Variants in GNL1 observed in about 807,000 individuals in gnomAD.
The protein encoded by GNL1 is guanine nucleotide-binding protein-like 1.
A neutral mutation model predicts 75.2 loss-of-function variants in GNL1; 21 were observed. The ratio of observed to expected loss-of-function variants is 0.28; its 90% CI spans 0.20 to 0.40. The LOEUF (loss-of-function observed/expected upper bound fraction) is 0.40, where lower values mean the gene tolerates loss of function less well. Ranked by LOEUF, GNL1 falls within the 10% of genes least tolerant of loss-of-function variation. The pLI is 1.00. For synonymous variants in GNL1, 287 were observed against 303.4 expected, an observed-to-expected ratio of 0.95 and a Z score of 0.56; for missense variants, 579 against 775.0, an observed-to-expected ratio of 0.75 and a Z score of 3.00.
In GNL1 at chr6:30,554,384, C is replaced by T. The variant is rs908332209; in HGVS notation, c.600+191G>A. On this transcript the variant is annotated intron_variant, in intron 5 of 11. Coordinates refer to ENST00000376621, the MANE Select transcript of GNL1 (RefSeq NM_005275.5). ...TGGCTGTTTTGAAGAGAAGAGTGAG[C>T]TGGCCAAGGGAGGAATGACAGGCTA... Among the ~76,000 whole-genome samples, 4 of 152,156 alleles carry T rather than the reference C, an allele frequency of 2.6e-5. No individual in the cohort carries two copies. In the East Asian group the frequency reaches 7.7e-4, roughly 29 times the overall value.
chr6:30,549,509 A>C (rs750271044), intron 8 of GNL1, among the ~76,000 whole-genome samples: 45 of 152,150 alleles, frequency 3.0e-4, no homozygotes, highest in Non-Finnish European at 5.9e-4. Context: ...TGTTATGTGA[A>C]GTTGTTGCAC....
In GNL1 at chr6:30,547,497, T is replaced by C; in HGVS notation, c.1133A>G (p.Asn378Ser). ...FPNVGKSSLI[N>S]GLVGRKVVSV... ...CACGACTTTCCGCCCCACCAGCCCA[T>C]TGATCAGCGAGGACTTTCCCACATT... is the stretch of plus-strand genomic sequence containing the variant. The change falls in exon 9 of 12, where the codon AAT (asparagine) becomes AGT (serine). Residue 378 changes from asparagine to serine, a missense_variant. Asn to Ser is a conservative substitution (Grantham distance 46). Transcript: ENST00000376621. This position sits in a 1 kb window ranked among gnomAD's most constrained non-coding sequence, Gnocchi z 5.5. 1 of 1,612,282 alleles carries C rather than the reference T, an allele frequency of 6.2e-7. No individual in the cohort carries two copies. The highest frequency in any genetic ancestry group is 8.5e-7 in the Non-Finnish European group (1 of 1,179,484).
At position 30,546,999 on chromosome 6, in the gene GNL1, T is replaced by G. The variant is rs1582493732; in HGVS notation, c.1441+113A>C. The G allele has an allele frequency of 1.7e-6, 2 of 1,148,060 alleles. No individual in the cohort carries two copies. The highest frequency in any genetic ancestry group is 3.0e-5 in the African/African-American group (2 of 65,722). The allele number at this position is 1,148,060 out of a possible 1,614,324, so 71.1% of individuals were successfully genotyped here. On this transcript the variant is annotated intron_variant, in intron 10 of 11. Transcript: ENST00000376621. This position sits in a 1 kb window ranked among gnomAD's most constrained non-coding sequence, Gnocchi z 5.1. The stretch of plus-strand genomic sequence containing the variant: ...TAGGGGTGAGTGGACAGCAGCTTCA[T>G]CAATGGCAGAATCTCTGAGGAGAGG...
At chr6:30,553,925 A>G (rs767208825) in intron 5 of GNL1, among the ~76,000 whole-genome samples, 2 of 152,244 alleles carry the variant, frequency 1.3e-5, no homozygotes, top group Non-Finnish European at 2.9e-5. Flanking sequence ...ACGTGCATAT[A>G]TGCATGCATG....
rs1799554855 is a variant in GNL1, at chr6:30,548,094, T to G, written c.1100-564A>C. On this transcript the variant is annotated intron_variant, in intron 8 of 11. Coordinates refer to ENST00000376621, the MANE Select transcript of GNL1 (RefSeq NM_005275.5). This position sits in a 1 kb window ranked among gnomAD's most constrained non-coding sequence, Gnocchi z 4.2. Reference sequence around the variant, plus strand: ...GGGAGGCTGAGGCAGGAGAACCACTTGAACCCAGGAGGCGGAGGTTGCAGT... The same window carrying G: ...GGGAGGCTGAGGCAGGAGAACCACTGGAACCCAGGAGGCGGAGGTTGCAGT... 6.6e-6 allele frequency among the ~76,000 whole-genome samples: 1 copy of G among 152,066 alleles called. No homozygotes were observed. Among genetic ancestry groups the G allele is most frequent in the Admixed American group, 6.5e-5 (1 of 15,270 alleles).
At chr6:30,553,206 G>A in intron 6 of GNL1, 27 bp from the exon 7 acceptor site, 1 of 1,554,026 alleles carries the variant, frequency 6.4e-7, no homozygotes, top group Non-Finnish European at 8.9e-7. Context: ...CAAAAGGATG[G>A]GCACACGGGC....
At position 30,552,721 on chromosome 6, in the gene GNL1, C is replaced by T. The variant is rs1260809761; in HGVS notation, c.905-60G>A. 8 of 1,466,586 alleles carry T rather than the reference C, an allele frequency of 5.5e-6. No homozygotes were observed. The highest frequency in any genetic ancestry group is 7.5e-6 in the Non-Finnish European group (8 of 1,063,486). The allele number at this position is 1,466,586 out of a possible 1,614,324, so 90.8% of individuals were successfully genotyped here. On this transcript the variant is annotated intron_variant, in intron 7 of 11. Transcript: ENST00000376621. This position sits in a 1 kb window ranked among gnomAD's most constrained non-coding sequence, Gnocchi z 4.5. Reference sequence around the variant, plus strand: ...CCCAGGGCTGCTGTGCATGATGGCACATACTGTGCCCTGCACAGATTATGT... The same window carrying T: ...CCCAGGGCTGCTGTGCATGATGGCATATACTGTGCCCTGCACAGATTATGT...
Position 30,546,669 on chromosome 6 carries a change from G to C in GNL1, c.1582+27C>G. 1.3e-6 allele frequency: 2 copies of C among 1,574,706 alleles called. No individual in the cohort carries two copies. The highest frequency in any genetic ancestry group is 2.7e-5 in the African/African-American group (2 of 73,938). On this transcript the variant is annotated intron_variant, in intron 11 of 11. Transcript: ENST00000376621. The surrounding 1 kb of genome is among the most constrained non-coding windows in gnomAD (Gnocchi z 5.1). The stretch of plus-strand genomic sequence containing the variant: ...CCTTTTACCTACGCTATAGCAGGGG[G>C]CTGGGGAAGAATATCTGGGCTCTGA...
At position 30,541,680 on chromosome 6, in the gene GNL1, A is replaced by G. The variant is rs934170797; in HGVS notation, c.*4392T>C. On this transcript the variant is annotated 3_prime_UTR_variant, in exon 12 of 12. Coordinates refer to ENST00000376621, the MANE Select transcript of GNL1 (RefSeq NM_005275.5). ...AATGCAGCGGGAAGTCCATTTACCA[A>G]CGGCTGTTGCGATCTCTTAATTAGC... 1.3e-5 allele frequency: 2 copies of G among 152,250 alleles called. No homozygotes were observed. Among genetic ancestry groups the G allele is most frequent in the African/African-American group, 4.8e-5 (2 of 41,462 alleles). 9.4% of individuals were successfully genotyped at this position (152,250 alleles called of 1,614,324 possible).
rs1799184746 is a variant in GNL1 at position 30,541,836 on chromosome 6, G to A, written c.*4236C>T. On this transcript the variant is annotated 3_prime_UTR_variant, in exon 12 of 12. Transcript: ENST00000376621. ...ATCAGTGCGAACCAGCTGAATGTCA[G>A]CGCTGTTCCCTCCTGTGACAGAAGC... The A allele has an allele frequency of 6.6e-6, 1 of 152,184 alleles. No homozygotes were observed. The highest frequency in any genetic ancestry group is 2.4e-5 in the African/African-American group (1 of 41,432). 9.4% of individuals were successfully genotyped at this position (152,184 alleles called of 1,614,324 possible).
At position 30,546,795 on chromosome 6, in the gene GNL1, G is replaced by A; in HGVS notation, c.1483C>T (p.Arg495Trp). The A allele has an allele frequency of 1.3e-6, 2 of 1,596,408 alleles. No homozygotes were observed. Among genetic ancestry groups the A allele is most frequent in the Non-Finnish European group, 1.7e-6 (2 of 1,166,658 alleles). ...KRGYKTAKAA[R>W]NDVYRAANSL... is the part of the protein sequence containing the mutation. ...TTGGCTGCTCTGTACACATCATTCC[G>A]AGCCGCCTTGGCTGTCTTGTAACCA... The change falls in exon 11 of 12, where the codon CGG becomes TGG. Residue 495 changes from arginine (R) to tryptophan (W), a missense_variant. Transcript: ENST00000376621. The surrounding 1 kb of genome is among the most constrained non-coding windows in gnomAD (Gnocchi z 5.1).
chr6:30,554,758 TG>T lies in GNL1; in HGVS notation c.528+5del. 6.2e-7 allele frequency: 1 copy of T among 1,612,792 alleles called. No individual in the cohort carries two copies. Among genetic ancestry groups the T allele is most frequent in the Non-Finnish European group, 8.5e-7 (1 of 1,179,766 alleles). On this transcript the variant is annotated splice_donor_5th_base_variant and intron_variant, in intron 4 of 11. Transcript: ENST00000376621. ...CCCCACTCCTGTCCCTAGAGTACAC[TG>T]TCACCTCCAGATTGTGCTCAAAGTA...
chr6:30,554,989 C>A, intron 3 of GNL1, 66 bp downstream of exon 3: 2 of 1,609,614 alleles, frequency 1.2e-6, no homozygotes, highest in Non-Finnish European at 1.7e-6. Flanking sequence ...CCCCTCCTTC[C>A]TCACAGTCGG....
At position 30,556,355 on chromosome 6, in the gene GNL1, C is replaced by T; in HGVS notation, c.-152G>A. 3 of 800,782 alleles carry T rather than the reference C, an allele frequency of 3.7e-6. No individual in the cohort carries two copies. The highest frequency in any genetic ancestry group is 6.0e-6 in the Non-Finnish European group (3 of 502,176). 49.6% of individuals were successfully genotyped at this position (800,782 alleles called of 1,614,324 possible). ...GCGGGCGGGCCCGACAGAATTACCG[C>T]CGCGGCGGCGATGGAAGGCGGACGG... On this transcript the variant is annotated 5_prime_UTR_variant, in exon 1 of 12. Coordinates refer to ENST00000376621, the MANE Select transcript of GNL1 (RefSeq NM_005275.5). This position sits in a 1 kb window ranked among gnomAD's most constrained non-coding sequence, Gnocchi z 5.7.
rs1305838727 is a variant in GNL1 at position 30,543,769 on chromosome 6, A to G, written c.*2303T>C. On this transcript the variant is annotated 3_prime_UTR_variant, in exon 12 of 12. Coordinates refer to ENST00000376621, the MANE Select transcript of GNL1 (RefSeq NM_005275.5). ...GAACAAAGGGCCAGATAATTGAACT[A>G]TCCTGGACCACACACAGCTACCCTG... 2 of 152,194 alleles carry G rather than the reference A, an allele frequency of 1.3e-5. No individual in the cohort carries two copies. The highest frequency in any genetic ancestry group is 6.5e-5 in the Admixed American group (1 of 15,286). 9.4% of individuals were successfully genotyped at this position (152,194 alleles called of 1,614,324 possible).
chr6:30,555,545 C>G lies in GNL1; in HGVS notation c.239+10G>C. 2 of 1,610,696 alleles carry G rather than the reference C, an allele frequency of 1.2e-6. No homozygotes were observed. Among genetic ancestry groups the G allele is most frequent in the Non-Finnish European group, 1.7e-6 (2 of 1,177,750 alleles). On this transcript the variant is annotated intron_variant, in intron 2 of 11. Transcript: ENST00000376621. The surrounding 1 kb of genome is among the most constrained non-coding windows in gnomAD (Gnocchi z 4.3). ...GGAAAGCCGGGACCAGCGCCCCCTC[C>G]CACCCTCACCGATTTGGGTCGTAGC...
rs1157794842 is a variant in GNL1 at position 30,547,484 on chromosome 6, C to T, written c.1146G>A (p.Gly382=). Residue 382 remains glycine (G), a synonymous_variant, in exon 9 of 12, where the codon GGG becomes GGA. Coordinates refer to ENST00000376621, the MANE Select transcript of GNL1 (RefSeq NM_005275.5). This position sits in a 1 kb window ranked among gnomAD's most constrained non-coding sequence, Gnocchi z 5.5. Reference sequence around the variant, plus strand: ...TTCTGGAGACACTCACGACTTTCCGCCCCACCAGCCCATTGATCAGCGAGG... The same window carrying T: ...TTCTGGAGACACTCACGACTTTCCGTCCCACCAGCCCATTGATCAGCGAGG... ...GKSSLINGLV[G]RKVVSVSRTP... The T allele has an allele frequency of 1.9e-6, 3 of 1,612,026 alleles. No homozygotes were observed. The highest frequency in any genetic ancestry group is 2.2e-5 in the South Asian group (2 of 90,780).
At position 30,555,700 on chromosome 6, in the gene GNL1, AGCG is replaced by A. The variant is rs1562717310; in HGVS notation, c.91_93del (p.Arg31del). 5 of 1,613,166 alleles carry A rather than the reference AGCG, an allele frequency of 3.1e-6. No homozygotes were observed. Among genetic ancestry groups the A allele is most frequent in the Non-Finnish European group, 4.2e-6 (5 of 1,179,894 alleles). On this transcript the variant is annotated inframe_deletion, in exon 2 of 12. Coordinates refer to ENST00000376621, the MANE Select transcript of GNL1 (RefSeq NM_005275.5). This position sits in a 1 kb window ranked among gnomAD's most constrained non-coding sequence, Gnocchi z 4.3. ...CTCCCGCTGCGGCTGTTGGAACTGG[AGCG>A]CAGCCCATCTTGAAGCCCTGCGGGG...
chr6:30,548,995 G>GT lies in GNL1; in HGVS notation c.1100-1466dup, dbSNP rs5875263. ...GTGACAACATGTTCCATCTGTCCTT[G>GT]TTTTTTTTGTTTTTGTTTTTGAGAC... On this transcript the variant is annotated intron_variant, in intron 8 of 11. Coordinates refer to ENST00000376621, the MANE Select transcript of GNL1 (RefSeq NM_005275.5). This position sits in a 1 kb window ranked among gnomAD's most constrained non-coding sequence, Gnocchi z 4.2. Among the ~76,000 whole-genome samples the GT allele has an allele frequency of 0.63, 95,375 of 151,590 alleles. 30,051 individuals are homozygous for GT. Among genetic ancestry groups the GT allele is most frequent in the South Asian group, 0.7 (3,363 of 4,790 alleles).
Sources: allele counts gnomAD v4.1 joint callset (sites outside exome capture counted in the v4.1 genomes callset), GRCh38; gene constraint gnomAD v4.1.1; non-coding constraint Gnocchi (gnomAD v3.1); transcripts MANE v1.5; gene names NCBI Gene and HGNC (gene_info 2026-07-23, HGNC 2026-07-21).